APP: variants seen among roughly 807,000 people sequenced by gnomAD.
APP encodes the protein amyloid-beta precursor protein.
Under a neutral mutation model 101.4 loss-of-function variants are expected in APP, and 31 were observed. The ratio of observed to expected loss-of-function variants is 0.31; its 90% CI spans 0.23 to 0.41. The LOEUF (loss-of-function observed/expected upper bound fraction) is 0.41. Among genes scored for constraint, APP ranks in the 10% least tolerant of loss-of-function variants. The pLI is 1.00. For synonymous variants in APP, 366 were observed against 364.4 expected (o/e 1.00, Z -0.05); for missense variants, 839 against 1,003.7 (o/e 0.84, Z 2.22).
At chr21:26,152,283 T>TAAAAAAAAAAAA (rs1778206846) in intron 1 of APP, among the ~76,000 whole-genome samples, 1 of 17,104 alleles carries the variant, frequency 5.8e-5, no homozygotes, top group African/African-American at 7.9e-4. Flanking sequence ...AGACTCCATC[T>TAAAAAAAAAAAA]CAAAAAAAAA....
At chr21:25,940,309 G>C (rs575628775) in intron 13 of APP, among the ~76,000 whole-genome samples, 3 of 152,234 alleles carry the variant, frequency 2.0e-5, no homozygotes, top group Non-Finnish European at 2.9e-5. Flanking sequence ...CCTCTCCACA[G>C]ATATGCCAGT....
chr21:26,059,565 C>T (rs1354381222), intron 3 of APP, among the ~76,000 whole-genome samples: 2 of 152,164 alleles, frequency 1.3e-5, no homozygotes, highest in Admixed American at 6.5e-5. Context: ...CTCAGAACCA[C>T]ACCAAAGCAG....
intron 9 of APP, among the ~76,000 whole-genome samples, chr21:25,976,741 G>T (rs535242326): frequency 3.9e-5 from 6 of 152,308 alleles, no homozygotes; most frequent in African/African-American, 4.8e-5. Context: ...GCTATGGTTT[G>T]AATGTAACCC....
chr21:26,028,835 G>GA (rs147468840), intron 5 of APP, among the ~76,000 whole-genome samples: 3 of 151,902 alleles, frequency 2.0e-5, no homozygotes, highest in African/African-American at 2.4e-5. Flanking sequence ...ATATGAGCAA[G>GA]AAAAAAAATT....
intron 13 of APP, among the ~76,000 whole-genome samples, chr21:25,927,835 C>G (rs553961770): frequency 6.6e-6 from 1 of 152,278 alleles, no homozygotes; most frequent in South Asian, 2.1e-4. Flanking sequence ...TTTTGGCTTT[C>G]AAACATCATA....
chr21:25,916,093 C>G (rs1475740423), intron 13 of APP, among the ~76,000 whole-genome samples: 1 of 152,142 alleles, frequency 6.6e-6, no homozygotes, highest in African/African-American at 2.4e-5. Context: ...GAACCTCTGC[C>G]TCCTGGGTTC....
chr21:26,091,877 G>C (rs1391407130), intron 2 of APP, among the ~76,000 whole-genome samples: 1 of 152,230 alleles, frequency 6.6e-6, no homozygotes, highest in African/African-American at 2.4e-5. Flanking sequence ...AGGAGAAGTA[G>C]TGCCTTCCTT....
chr21:26,023,156 G>A (rs1433937728), intron 5 of APP, among the ~76,000 whole-genome samples: 1 of 152,180 alleles, frequency 6.6e-6, no homozygotes, highest in Non-Finnish European at 1.5e-5. Context: ...AACTGCTTAT[G>A]TTTTGTAGAA....
rs45513597 is a variant in APP at position 25,881,781 on chromosome 21, A to G, written c.2212-10T>C. 2,382 of 1,609,616 alleles carry G rather than the reference A, an allele frequency of 1.5e-3. 60 individuals carry two copies. The East Asian group carries it at 0.047, about 32-fold the overall frequency. On this transcript the variant is annotated splice_polypyrimidine_tract_variant and intron_variant, in intron 17 of 17. Transcript: ENST00000346798. ...TGACAGCGGCGTCAACCTGAAAAAC[A>G]AGAGGAGAGCTGAGTAAAAAATAAA...
chr21:25,949,986 G>A (rs2040992854), intron 13 of APP, among the ~76,000 whole-genome samples: 1 of 152,186 alleles, frequency 6.6e-6, no homozygotes, highest in African/African-American at 2.4e-5. Context: ...GAATTTCCGA[G>A]TATCTTCACT....
chr21:25,891,814 CCAT>C lies in APP; in HGVS notation c.2116_2118del (p.Met706del). 6.2e-7 allele frequency: 1 copy of C among 1,614,132 alleles called. No individual in the cohort carries two copies. The highest frequency in any genetic ancestry group is 1.1e-5 in the South Asian group (1 of 91,078). On this transcript the variant is annotated inframe_deletion, in exon 17 of 18. Transcript: ENST00000346798. ...ACTGTCGCTATGACAACACCGCCCA[CCAT>C]GAGTCCAATGATTGCACCTTTGTTT...
At chr21:25,937,481 TCATTTA>T (rs2040407459) in intron 13 of APP, among the ~76,000 whole-genome samples, 1 of 152,244 alleles carries the variant, frequency 6.6e-6, no homozygotes, top group Admixed American at 6.5e-5. Context: ...TTACAGTCCA[TCATTTA>T]CAATGCTGAC....
chr21:26,013,912 C>T (rs188387166), intron 6 of APP, among the ~76,000 whole-genome samples: 2 of 152,298 alleles, frequency 1.3e-5, no homozygotes, highest in African/African-American at 4.8e-5. Context: ...ACCTCGGAAT[C>T]AATGGCTGCC....
chr21:26,031,757 A>T (rs1398124573), intron 5 of APP, among the ~76,000 whole-genome samples: 5 of 152,188 alleles, frequency 3.3e-5, no homozygotes, highest in Non-Finnish European at 5.9e-5. Flanking sequence ...TGAAGTTGAT[A>T]TTTGAATGGA....
chr21:25,970,831 C>T (rs1306307986), intron 11 of APP, among the ~76,000 whole-genome samples: 1 of 152,064 alleles, frequency 6.6e-6, no homozygotes, highest in East Asian at 1.9e-4. Flanking sequence ...AAGAATGCCA[C>T]GAGCTCTTTA....
chr21:25,905,144 C>A, intron 14 of APP, 67 bp from the exon 15 acceptor site: 1 of 1,358,036 alleles, frequency 7.4e-7, no homozygotes, highest in Non-Finnish European at 1.1e-6. Context: ...TCGTGGCTCC[C>A]AAACATAGTC....
At chr21:26,035,314 A>G (rs2045054392) in intron 5 of APP, among the ~76,000 whole-genome samples, 1 of 152,128 alleles carries the variant, frequency 6.6e-6, no homozygotes, top group Non-Finnish European at 1.5e-5. Context: ...GATGGCAACA[A>G]AACTGAGGCT....
intron 13 of APP, among the ~76,000 whole-genome samples, chr21:25,926,020 G>T (rs991118262): frequency 2.6e-5 from 4 of 152,222 alleles, no homozygotes; most frequent in Non-Finnish European, 4.4e-5. Flanking sequence ...AGATGAGTGT[G>T]AGCCAAGAAA....
chr21:26,021,714 C>T (rs45580535), intron 6 of APP, 126 bp downstream of exon 6: 1 of 1,361,410 alleles, frequency 7.3e-7, no homozygotes, highest in Non-Finnish European at 1.0e-6. Context: ...GCATAAGAAG[C>T]CTTTTGGAAA....
Sources: allele counts gnomAD v4.1 joint callset (sites outside exome capture counted in the v4.1 genomes callset), GRCh38; gene constraint gnomAD v4.1.1; transcripts MANE v1.5; gene names NCBI Gene and HGNC (gene_info 2026-07-23, HGNC 2026-07-21).